Variants in SZT2 observed in about 807,000 individuals in gnomAD.
The protein encoded by SZT2 is KICSTOR complex protein SZT2.
A neutral mutation model predicts 404.2 loss-of-function variants in SZT2; 216 were observed. The observed-to-expected ratio is 0.53, with a 90% CI of 0.48 to 0.60. The LOEUF is 0.60. SZT2 is among the 20% of genes least tolerant of loss of function. The probability of loss-of-function intolerance (pLI) is 0.00; values close to 1 mark genes in which losing one functional copy is unlikely to be tolerated. For synonymous variants in SZT2, 1,693 were observed against 1,749.9 expected (o/e 0.97, Z 0.81); for missense variants, 3,857 against 4,459.2 (o/e 0.86, Z 3.85).
Position 43,424,280 on chromosome 1 carries a change from A to G in SZT2, c.2319A>G (p.Pro773=), listed in dbSNP as rs764460774. 1 of 1,598,006 alleles carries G rather than the reference A, an allele frequency of 6.3e-7. No individual in the cohort carries two copies. The highest frequency in any genetic ancestry group is 2.2e-5 in the East Asian group (1 of 44,876). ...PFLLTLEPPG[P]LPLVSGRSAS... The stretch of plus-strand genomic sequence containing the variant: ...TGCTGACATTGGAGCCACCAGGTCC[A>G]CTGCCCTTGGTGTCAGGCCGCTCAG... Residue 773 remains proline (P), a synonymous_variant, in exon 16 of 72, where the codon CCA becomes CCG. Transcript: ENST00000634258. This position sits in a 1 kb window ranked among gnomAD's most constrained non-coding sequence, Gnocchi z 4.1.
rs534689679 is a variant in SZT2, at chr1:43,417,221, A to C, written c.879+580A>C. 5.3e-5 allele frequency among the ~76,000 whole-genome samples: 8 copies of C among 152,306 alleles called. No individual in the cohort carries two copies. In the South Asian group the frequency reaches 1.7e-3, roughly 32 times the overall value. On this transcript the variant is annotated intron_variant, in intron 7 of 71. Coordinates refer to ENST00000634258, the MANE Select transcript of SZT2 (RefSeq NM_001365999.1). ...TTGCTGCTGGGTGAAGGACGGGGGA[A>C]GTCGGGGAGGCTACTAATTGCAGTG...
Position 43,447,127 on chromosome 1 carries a change from A to C in SZT2, c.9245A>C (p.His3082Pro), listed in dbSNP as rs1570737467. The C allele has an allele frequency of 6.2e-7, 1 of 1,613,310 alleles. No homozygotes were observed. The highest frequency in any genetic ancestry group is 8.5e-7 in the Non-Finnish European group (1 of 1,179,926). The change falls in exon 66 of 72, where the codon CAC becomes CCC. Residue 3082 changes from histidine to proline, a missense_variant. His to Pro is a moderately conservative substitution (Grantham distance 77). This residue lies in a region of SZT2 where 717 missense variants were observed against 868.2 expected (regional missense o/e 0.83). Transcript: ENST00000634258. ...TTFLRHFLAHHPDGPHFGRNH... is the reference protein window; with the variant it reads ...TTFLRHFLAHPPDGPHFGRNH... ...TTTCTGCGACACTTCCTGGCCCACC[A>C]CCCTGACGGACCCCACTTTGGCCGC...
At chr1:43,432,472 G>C in intron 37 of SZT2, 33 bp downstream of exon 37, 1 of 1,564,944 alleles carries the variant, frequency 6.4e-7, no homozygotes, top group South Asian at 1.2e-5. Flanking sequence ...GGGGGGTGGT[G>C]GGTGTGTGGG....
Position 43,424,098 on chromosome 1 carries a change from C to G in SZT2, c.2256-119C>G, listed in dbSNP as rs374937454. 1,372 of 665,810 alleles carry G rather than the reference C, an allele frequency of 2.1e-3. 9 individuals carry two copies. The African/African-American group carries it at 0.026, about 12-fold the overall frequency. The allele number at this position is 665,810 out of a possible 1,614,324, so 41.2% of individuals were successfully genotyped here. On this transcript the variant is annotated intron_variant, in intron 15 of 71. Coordinates refer to ENST00000634258, the MANE Select transcript of SZT2 (RefSeq NM_001365999.1). This position sits in a 1 kb window ranked among gnomAD's most constrained non-coding sequence, Gnocchi z 4.1. ...GGAAGGGCGTGGCTTAGCCGGGTAT[C>G]AGTGGTACAGAGGTGTGGAAGGGCG...
chr1:43,428,969 T>C (rs1475539030), intron 28 of SZT2: 1 of 168,400 alleles, frequency 5.9e-6, no homozygotes, highest in African/African-American at 2.4e-5. Flanking sequence ...GCATCTGCAG[T>C]GTGTTAGCGT....
rs1464590852 is a variant in SZT2 at position 43,420,580 on chromosome 1, CTT to C, written c.1262-168_1262-167del. On this transcript the variant is annotated intron_variant, in intron 9 of 71. Transcript: ENST00000634258. This position sits in a 1 kb window ranked among gnomAD's most constrained non-coding sequence, Gnocchi z 5.1. ...TTAGTTTTCAGATTGTTTCTACAAA[CTT>C]GTGTTTGTGTCAGTGGGCCAACTCT... Among the ~76,000 whole-genome samples the C allele has an allele frequency of 6.6e-6, 1 of 152,180 alleles. No homozygotes were observed. The highest frequency in any genetic ancestry group is 2.4e-5 in the African/African-American group (1 of 41,440).
Position 43,451,789 on chromosome 1 carries a change from T to G in SZT2, c.*1309T>G. ...CCTTCCGATCTGCGAAGTACCCCCTTCCACTTACCATTTGTAATTGGAGGT... is the reference window on the plus strand; with the variant it reads ...CCTTCCGATCTGCGAAGTACCCCCTGCCACTTACCATTTGTAATTGGAGGT... On this transcript the variant is annotated 3_prime_UTR_variant, in exon 72 of 72. Transcript: ENST00000634258. 6.2e-7 allele frequency: 1 copy of G among 1,614,084 alleles called. No individual in the cohort carries two copies. The highest frequency in any genetic ancestry group is 8.5e-7 in the Non-Finnish European group (1 of 1,179,986).
Position 43,453,085 on chromosome 1 carries a change from A to C in SZT2, c.*2605A>C. 1 of 837,344 alleles carries C rather than the reference A, an allele frequency of 1.2e-6. No individual in the cohort carries two copies. Among genetic ancestry groups the C allele is most frequent in the South Asian group, 1.4e-5 (1 of 69,784 alleles). The allele number at this position is 837,344 out of a possible 1,614,324, so 51.9% of individuals were successfully genotyped here. On this transcript the variant is annotated 3_prime_UTR_variant, in exon 72 of 72. Transcript: ENST00000634258. The stretch of plus-strand genomic sequence containing the variant: ...GGTTAGGTGCCTACCCTGCTCCCAC[A>C]GCTTCCTGGAATAGGCCTGTCCTCA...
In SZT2 at chr1:43,432,773, A is replaced by T; in HGVS notation, c.5576A>T (p.Gln1859Leu). 6.2e-7 allele frequency: 1 copy of T among 1,613,956 alleles called. No individual in the cohort carries two copies. Reference protein sequence around the residue: ...PSRGLSLMSSQGSVDSDHLGY... With the variant: ...PSRGLSLMSSLGSVDSDHLGY... ...CGGGGATTAAGTCTCATGTCCAGTC[A>T]GGGCAGTGTGGACTCAGACCACCTA... Residue 1859 changes from glutamine (Q) to leucine (L), a missense_variant, in exon 39 of 72, where the codon CAG (glutamine) becomes CTG (leucine). Around this residue, in one of 7 missense-constraint regions of SZT2, gnomAD observed 1,725 missense variants for 1,881.0 expected, o/e 0.92. Transcript: ENST00000634258.
chr1:43,448,316 G>A lies in SZT2; in HGVS notation c.9801G>A (p.Arg3267=). 6.4e-7 allele frequency: 1 copy of A among 1,553,406 alleles called. No individual in the cohort carries two copies. Among genetic ancestry groups the A allele is most frequent in the East Asian group, 2.4e-5 (1 of 40,978 alleles). The change falls in exon 69 of 72, where the codon CGG becomes CGA. Residue 3267 remains arginine (R), a synonymous_variant. Transcript: ENST00000634258. This position sits in a 1 kb window ranked among gnomAD's most constrained non-coding sequence, Gnocchi z 4.2. ...GAGCACGGCTGGCTCAGCTGGTGCGGCTGGCTGGAGGGCACTGCCGTCGGG... is the reference window on the plus strand; with the variant it reads ...GAGCACGGCTGGCTCAGCTGGTGCGACTGGCTGGAGGGCACTGCCGTCGGG... ...MARARLAQLV[R]LAGGHCRRDT... is the part of the protein sequence containing the mutation.
intron 7 of SZT2, 46 bp downstream of exon 7, chr1:43,416,687 A>T: frequency 2.1e-6 from 3 of 1,445,622 alleles, no homozygotes; most frequent in Non-Finnish European, 2.8e-6. Context: ...AATATCTCAC[A>T]CAAAGTTGGG....
Position 43,420,195 on chromosome 1 carries a change from G to T in SZT2, c.1133G>T (p.Ser378Ile). The T allele has an allele frequency of 6.3e-7, 1 of 1,598,462 alleles. No individual in the cohort carries two copies. Among genetic ancestry groups the T allele is most frequent in the Non-Finnish European group, 8.5e-7 (1 of 1,179,814 alleles). Residue 378 changes from serine to isoleucine, a missense_variant, in exon 9 of 72, where the codon AGC becomes ATC. This residue lies in a region of SZT2 where 536 missense variants were observed against 637.4 expected (regional missense o/e 0.84). Transcript: ENST00000634258. The surrounding 1 kb of genome is among the most constrained non-coding windows in gnomAD (Gnocchi z 5.1). ...RLFNEHLVSA[S>I]SNPALALRRK... The stretch of plus-strand genomic sequence containing the variant: ...TTTAATGAGCACCTGGTCTCTGCAA[G>T]CAGCAACCCTGCCCTGGCCTTGCGC...
At chr1:43,410,228 A>T (rs970010525) in intron 4 of SZT2, 2 of 152,144 alleles carry the variant, frequency 1.3e-5, no homozygotes, top group Non-Finnish European at 2.9e-5. Context: ...CTAGACTCCT[A>T]TCTCACAAAA....
intron 42 of SZT2, chr1:43,436,157 A>G (rs1654439043): frequency 6.6e-6 from 1 of 152,236 alleles, no homozygotes; most frequent in Non-Finnish European, 1.5e-5. Context: ...AAGCTGAACC[A>G]TAACATTCCT....
chr1:43,399,996 T>C (rs1649491457), intron 1 of SZT2, among the ~76,000 whole-genome samples: 1 of 152,090 alleles, frequency 6.6e-6, no homozygotes, highest in Non-Finnish European at 1.5e-5. Flanking sequence ...TGGAGTGCAG[T>C]GGTGTGATCA....
chr1:43,448,084 A>G lies in SZT2; in HGVS notation c.9569A>G (p.Gln3190Arg), dbSNP rs767317226. The change falls in exon 69 of 72, where the codon CAG (glutamine) becomes CGG (arginine). Residue 3190 changes from glutamine to arginine, a missense_variant. Physicochemically the swap from Gln to Arg is conservative, Grantham distance 43 (BLOSUM62 1). This residue lies in a region of SZT2 where 717 missense variants were observed against 868.2 expected (regional missense o/e 0.83). Transcript: ENST00000634258. This position sits in a 1 kb window ranked among gnomAD's most constrained non-coding sequence, Gnocchi z 4.2. ...GEAERHVLRL[Q>R]FFVVLTSQRE... is the part of the protein sequence containing the mutation. Reference sequence around the variant, plus strand: ...TGCCCTGCTCCCCACCCCAGGCTACAGTTCTTCGTGGTGCTCACCAGCCAG... The same window carrying G: ...TGCCCTGCTCCCCACCCCAGGCTACGGTTCTTCGTGGTGCTCACCAGCCAG... 10 of 1,596,940 alleles carry G rather than the reference A, an allele frequency of 6.3e-6. No individual in the cohort carries two copies. The South Asian group carries it at 1.0e-4, about 16-fold the overall frequency.
At chr1:43,421,383 TC>T in intron 11 of SZT2, 80 bp downstream of exon 11, 1 of 1,541,634 alleles carries the variant, frequency 6.5e-7, no homozygotes, top group African/African-American at 1.4e-5. Flanking sequence ...ACCACCACCT[TC>T]TATTCCTTTC....
rs570616805 is a variant in SZT2, at chr1:43,443,483, G to A, written c.8625+6G>A. Reference sequence around the variant, plus strand: ...CTGGACCCCCTGACGGGCAGGTAAGGCTGACTCCCAGACTTCTAGCAGACC... The same window carrying A: ...CTGGACCCCCTGACGGGCAGGTAAGACTGACTCCCAGACTTCTAGCAGACC... On this transcript the variant is annotated splice_donor_region_variant and intron_variant, in intron 61 of 71. Transcript: ENST00000634258. 2 of 1,614,096 alleles carry A rather than the reference G, an allele frequency of 1.2e-6. No individual in the cohort carries two copies. The highest frequency in any genetic ancestry group is 2.2e-5 in the South Asian group (2 of 91,082).
At chr1:43,391,502 T>C (rs1243192812) in intron 1 of SZT2, among the ~76,000 whole-genome samples, 1 of 152,186 alleles carries the variant, frequency 6.6e-6, no homozygotes, top group Non-Finnish European at 1.5e-5. Context: ...ACATTGAATA[T>C]GGTGGTAGGA....
Sources: gnomAD v4.1 joint callset for allele counts (sites outside exome capture counted in the v4.1 genomes callset) on GRCh38, gnomAD v4.1.1 for gene constraint, gnomAD v4.1.1 regional missense constraint, Gnocchi (gnomAD v3.1) non-coding constraint, MANE v1.5 for transcripts, NCBI Gene and HGNC (gene_info 2026-07-23, HGNC 2026-07-21) for gene names.